TASOR2: variants seen among roughly 807,000 people sequenced by gnomAD.
TASOR2 encodes protein TASOR 2.
A neutral mutation model predicts 199.5 loss-of-function variants in TASOR2; 84 were observed. The observed-to-expected ratio is 0.42, with a 90% CI of 0.35 to 0.50. The LOEUF is 0.50. TASOR2 is among the 20% of genes least tolerant of loss of function. The pLI, the probability that TASOR2 is intolerant of heterozygous loss-of-function variation, is 0.02. For missense variants in TASOR2, 2,796 were observed against 2,835.9 expected, an observed-to-expected ratio of 0.99 and a Z score of 0.32; for synonymous variants, 1,103 against 1,046.6, an observed-to-expected ratio of 1.05 and a Z score of -1.04.
chr10:5,731,243 T>C, intron 11 of TASOR2, 40 bp downstream of exon 12: 1 of 1,565,248 alleles, frequency 6.4e-7, no homozygotes, highest in Non-Finnish European at 8.6e-7. Flanking sequence ...ATAATAATAG[T>C]TGTGGCCAGG....
At chr10:5,703,503 A>AT (rs371366460) in intron 1 of TASOR2, among the ~76,000 whole-genome samples, 71,186 of 108,196 alleles carry the variant, frequency 0.66, 24,852 homozygotes, top group East Asian at 0.74. Context: ...GGTTTTTCTG[A>AT]TTTTTTTTTT....
chr10:5,754,950 G>A lies in TASOR2; in HGVS notation c.6607-1663G>A, dbSNP rs1838681443. Among the ~76,000 whole-genome samples, 1 of 150,904 alleles carries A rather than the reference G, an allele frequency of 6.6e-6. No homozygotes were observed. The highest frequency in any genetic ancestry group is 2.4e-5 in the African/African-American group (1 of 41,014). ...AGTCCCAGCTACTCGGGAGGCTGAG[G>A]CAGGAGAATGGCGTGAACCCGGGAG... On this transcript the variant is annotated intron_variant, in intron 15 of 20. Transcript: ENST00000328090. The surrounding 1 kb of genome is among the most constrained non-coding windows in gnomAD (Gnocchi z 4.3).
At chr10:5,762,842 C>A (rs1470253423) in intron 20 of TASOR2, 187 bp from the exon 22 acceptor site, 7 of 633,926 alleles carry the variant, frequency 1.1e-5, no homozygotes, top group Non-Finnish European at 1.9e-5. Flanking sequence ...AATGAAGTAA[C>A]CATCTACTAA....
intron 1 of TASOR2, among the ~76,000 whole-genome samples, chr10:5,688,950 CCAT>C (rs1836110371): frequency 6.6e-6 from 1 of 152,098 alleles, no homozygotes; most frequent in Admixed American, 6.5e-5. Context: ...TTGCAGTGAG[CCAT>C]CATCATGCCA....
intron 1 of TASOR2, among the ~76,000 whole-genome samples, chr10:5,700,356 T>C (rs1045539872): frequency 6.6e-6 from 1 of 152,188 alleles, no homozygotes; most frequent in Admixed American, 6.5e-5. Flanking sequence ...AGGTTGATTT[T>C]ATATTTTGGC....
chr10:5,712,380 T>C, intron 1 of TASOR2: 1 of 1,231,320 alleles, frequency 8.1e-7, no homozygotes, highest in Non-Finnish European at 1.0e-6. Flanking sequence ...GTTATTTTTG[T>C]TTGTGTTTTA....
In TASOR2 at chr10:5,748,081, C is replaced by T. The variant is rs368967001; in HGVS notation, c.4660C>T (p.Pro1554Ser). 6 of 1,614,172 alleles carry T rather than the reference C, an allele frequency of 3.7e-6. No homozygotes were observed. Among genetic ancestry groups the T allele is most frequent in the Non-Finnish European group, 5.1e-6 (6 of 1,180,018 alleles). ...GGTAAAATCAGGAAATCCATTGCAGCCAGTTAGTATAGAGAATAGAAATTT... is the reference window on the plus strand; with the variant it reads ...GGTAAAATCAGGAAATCCATTGCAGTCAGTTAGTATAGAGAATAGAAATTT... The change falls in exon 15 of 21, where the codon CCA (proline) becomes TCA (serine). Residue 1554 changes from proline to serine, a missense_variant. Pro to Ser is a moderately conservative substitution (Grantham distance 74). Transcript: ENST00000328090. This position sits in a 1 kb window ranked among gnomAD's most constrained non-coding sequence, Gnocchi z 5.1.
chr10:5,732,752 G>C (rs1835007263), intron 11 of TASOR2, among the ~76,000 whole-genome samples: 1 of 152,146 alleles, frequency 6.6e-6, no homozygotes, highest in Admixed American at 6.5e-5. Context: ...GTCTTGCTAT[G>C]TTTCCCAAGC....
At chr10:5,716,122 A>C (rs1358698807) in intron 2 of TASOR2, among the ~76,000 whole-genome samples, 1 of 152,188 alleles carries the variant, frequency 6.6e-6, no homozygotes, top group African/African-American at 2.4e-5. Flanking sequence ...TGTGTATCAA[A>C]ACAGAAAAAG....
chr10:5,707,351 G>T (rs1352086841), intron 1 of TASOR2, among the ~76,000 whole-genome samples: 1 of 152,126 alleles, frequency 6.6e-6, no homozygotes, highest in Admixed American at 6.5e-5. Context: ...GCCCAAAGAT[G>T]AGGCAGCCCC....
chr10:5,730,586 C>G lies in TASOR2; in HGVS notation c.587C>G (p.Pro196Arg). 6.2e-7 allele frequency: 1 copy of G among 1,614,134 alleles called. No individual in the cohort carries two copies. Among genetic ancestry groups the G allele is most frequent in the Non-Finnish European group, 8.5e-7 (1 of 1,180,014 alleles). The stretch of plus-strand genomic sequence containing the variant: ...CTGCTAGAAACAAAGAAATCACTTC[C>G]TGAAGAAAGAATCCATCCAAACACA... Residue 196 changes from proline to arginine, a missense_variant, in exon 11 of 21, where the codon CCT (proline) becomes CGT (arginine). Transcript: ENST00000328090. This position sits in a 1 kb window ranked among gnomAD's most constrained non-coding sequence, Gnocchi z 4.1.
intron 1 of TASOR2, among the ~76,000 whole-genome samples, chr10:5,705,692 G>T (rs1838495985): frequency 6.6e-6 from 1 of 152,020 alleles, no homozygotes; most frequent in Non-Finnish European, 1.5e-5. Flanking sequence ...TTTTATTGTG[G>T]TTTTAATTAG....
intron 1 of TASOR2, among the ~76,000 whole-genome samples, chr10:5,707,703 TACTC>T (rs1332469217): frequency 9.2e-5 from 11 of 119,014 alleles, no homozygotes; most frequent in South Asian, 6.2e-4. Flanking sequence ...CACACACACA[TACTC>T]ACTCTCCCTC....
Position 5,715,862 on chromosome 10 carries a change from C to T in TASOR2, c.-191-1797C>T, listed in dbSNP as rs189355236. Among the ~76,000 whole-genome samples, 220 of 152,226 alleles carry T rather than the reference C, an allele frequency of 1.4e-3. 2 individuals carry two copies. Among genetic ancestry groups the T allele is most frequent in the African/African-American group, 4.4e-3 (181 of 41,552 alleles). The stretch of plus-strand genomic sequence containing the variant: ...TTCACCATGTTGGCCAGGATGGTCT[C>T]GATCTCCTGACCTCATGGTCAGCCC... On this transcript the variant is annotated intron_variant, in intron 2 of 20. Coordinates refer to ENST00000328090, the Ensembl canonical transcript of TASOR2.
At position 5,750,354 on chromosome 10, in the gene TASOR2, GAT is replaced by G. The variant is rs1837856249; in HGVS notation, c.6606+328_6606+329del. Among the ~76,000 whole-genome samples, 1 of 152,204 alleles carries G rather than the reference GAT, an allele frequency of 6.6e-6. No individual in the cohort carries two copies. Among genetic ancestry groups the G allele is most frequent in the Non-Finnish European group, 1.5e-5 (1 of 68,030 alleles). ...ACAGATTTTTTGAAAAGTGGTTGTAGATTGTCCGTTAGTGTGGGTGGTCAAGT... is the reference window on the plus strand; with the variant it reads ...ACAGATTTTTTGAAAAGTGGTTGTAGTGTCCGTTAGTGTGGGTGGTCAAGT... On this transcript the variant is annotated intron_variant, in intron 15 of 20. Transcript: ENST00000328090. The surrounding 1 kb of genome is among the most constrained non-coding windows in gnomAD (Gnocchi z 5.4).
In TASOR2 at chr10:5,693,883, A is replaced by G. The variant is rs912141077; in HGVS notation, c.-288+8708A>G. 2.4e-4 allele frequency among the ~76,000 whole-genome samples: 36 copies of G among 152,348 alleles called. No homozygotes were observed. The East Asian group carries it at 3.9e-3, about 16-fold the overall frequency. On this transcript the variant is annotated intron_variant, in intron 1 of 20. Coordinates refer to ENST00000328090, the Ensembl canonical transcript of TASOR2. Reference sequence around the variant, plus strand: ...TGTTGGACCCTGGGGACTTTGGTGAACAGACAATGCCTGCCTCTATAAACC... The same window carrying G: ...TGTTGGACCCTGGGGACTTTGGTGAGCAGACAATGCCTGCCTCTATAAACC...
chr10:5,732,381 C>A (rs1206710949), intron 11 of TASOR2, among the ~76,000 whole-genome samples: 3 of 152,254 alleles, frequency 2.0e-5, no homozygotes, highest in Non-Finnish European at 4.4e-5. Context: ...ACAGAAGCCA[C>A]ATGACCTTCA....
intron 8 of TASOR2, 97 bp downstream of exon 9, chr10:5,724,630 T>TAG (rs1564299169): frequency 9.7e-5 from 8 of 82,548 alleles, no homozygotes; most frequent in South Asian, 3.8e-4. Context: ...ATTATATATA[T>TAG]ATATAGATAG....
rs1398875187 is a variant in TASOR2, at chr10:5,746,516, A to G, written c.3095A>G (p.His1032Arg). The change falls in exon 15 of 21, where the codon CAC becomes CGC. Residue 1032 changes from histidine to arginine, a missense_variant. By Grantham distance (29) the His-to-Arg change is conservative. Transcript: ENST00000328090. The stretch of plus-strand genomic sequence containing the variant: ...GGCAGCCCCATAAACAATGAATGTC[A>G]CCCTTCCTTGGAAAGAAAGGATGAT... The G allele has an allele frequency of 1.9e-6, 3 of 1,614,132 alleles. No homozygotes were observed. The highest frequency in any genetic ancestry group is 2.5e-6 in the Non-Finnish European group (3 of 1,180,026).
Sources: gnomAD v4.1 joint callset for allele counts (sites outside exome capture counted in the v4.1 genomes callset) on GRCh38, gnomAD v4.1.1 for gene constraint, Gnocchi (gnomAD v3.1) non-coding constraint, MANE v1.5 for transcripts, NCBI Gene and HGNC (gene_info 2026-07-23, HGNC 2026-07-21) for gene names.